The following CDH13 variants were observed in gnomAD, a reference collection of about 807,000 sequenced individuals.
The protein encoded by CDH13 is cadherin-13.
In CDH13, 24 loss-of-function variants were observed where a neutral mutation model predicts 63.8. The ratio of observed to expected loss-of-function variants is 0.38; its 90% CI spans 0.27 to 0.53. The LOEUF is 0.53. CDH13 is among the 20% of genes least tolerant of loss of function. The pLI, the probability that CDH13 is intolerant of heterozygous loss-of-function variation, is 0.85. For missense variants in CDH13, 1,049 were observed against 903.1 expected (o/e 1.16, Z -2.07); for synonymous variants, 503 against 355.3 (o/e 1.42, Z -4.67).
chr16:83,742,187 G>C lies in CDH13; in HGVS notation c.1539-5921G>C, dbSNP rs568989324. 1.6e-4 allele frequency among the ~76,000 whole-genome samples: 24 copies of C among 152,330 alleles called. 1 individual carries two copies. The highest frequency in any genetic ancestry group is 5.5e-4 in the African/African-American group (23 of 41,578). ...CCTTCCAGGTCAACAGCTGGCCCTG[G>C]CCACTTGCCTGGAAGCTTTCTTCCC... On this transcript the variant is annotated intron_variant, in intron 10 of 13. Transcript: ENST00000567109.
At chr16:83,664,240 C>T (rs894725112) in intron 8 of CDH13, among the ~76,000 whole-genome samples, 3 of 152,080 alleles carry the variant, frequency 2.0e-5, no homozygotes, top group Non-Finnish European at 4.4e-5. Context: ...TTTCATCTGG[C>T]TCCTGTAGTC....
intron 10 of CDH13, among the ~76,000 whole-genome samples, chr16:83,696,082 G>C (rs1905360946): frequency 6.6e-6 from 1 of 151,832 alleles, no homozygotes; most frequent in Non-Finnish European, 1.5e-5. Context: ...GTAGAGATGG[G>C]GTTTCGCCAT....
intron 5 of CDH13, among the ~76,000 whole-genome samples, chr16:83,319,079 C>T (rs919169483): frequency 6.6e-6 from 1 of 151,508 alleles, no homozygotes; most frequent in Admixed American, 6.6e-5. Context: ...GCAAGTGAAG[C>T]TTAGGCATGG....
rs150593574 is a variant in CDH13, at chr16:83,101,205, G to A, written c.367-24180G>A. On this transcript the variant is annotated intron_variant, in intron 3 of 13. Coordinates refer to ENST00000567109, the MANE Select transcript of CDH13 (RefSeq NM_001257.5). ...CTTCTTAATAGAAAAGTATATAGAG[G>A]TATGTATATATACATACATGCACAT... Among the ~76,000 whole-genome samples the A allele has an allele frequency of 4.1e-3, 619 of 149,976 alleles. 2 individuals carry two copies. The highest frequency in any genetic ancestry group is 0.014 in the African/African-American group (587 of 40,930).
At chr16:83,742,686 CGTGGTCTTGAGCTGTTCT>C (rs1204020687) in intron 10 of CDH13, among the ~76,000 whole-genome samples, 1 of 152,210 alleles carries the variant, frequency 6.6e-6, no homozygotes, top group East Asian at 1.9e-4. Flanking sequence ...CAGGCTGTTC[CGTGGTCTTGAGCTGTTCT>C]CCCTCCACAT....
intron 10 of CDH13, among the ~76,000 whole-genome samples, chr16:83,702,128 C>G (rs530719698): frequency 6.6e-6 from 1 of 152,150 alleles, no homozygotes. Flanking sequence ...TGCTAAGAAC[C>G]TTTCCTCATC....
chr16:83,402,752 C>A (rs2091986976), intron 6 of CDH13, among the ~76,000 whole-genome samples: 1 of 152,224 alleles, frequency 6.6e-6, no homozygotes, highest in African/African-American at 2.4e-5. Context: ...TTACACCGAT[C>A]AGTGTCATTA....
chr16:83,214,731 C>A (rs927654958), intron 4 of CDH13, among the ~76,000 whole-genome samples: 3 of 151,972 alleles, frequency 2.0e-5, no homozygotes, highest in African/African-American at 7.3e-5. Context: ...TTCTGTGTGG[C>A]AGGACATGTA....
At chr16:83,472,291 C>A (rs1038843922) in intron 6 of CDH13, among the ~76,000 whole-genome samples, 4 of 152,216 alleles carry the variant, frequency 2.6e-5, no homozygotes, top group African/African-American at 4.8e-5. Context: ...TATTGTGAGT[C>A]TGGATGGGAG....
intron 3 of CDH13, among the ~76,000 whole-genome samples, chr16:83,094,507 T>G (rs1156779195): frequency 9.9e-5 from 15 of 152,192 alleles, no homozygotes; most frequent in Non-Finnish European, 2.2e-4. Context: ...TGAGGTCTTA[T>G]GCCTCCACAT....
At chr16:83,646,323 A>G (rs1320802492) in intron 8 of CDH13, among the ~76,000 whole-genome samples, 1 of 152,174 alleles carries the variant, frequency 6.6e-6, no homozygotes, top group Non-Finnish European at 1.5e-5. Context: ...TGAAGGATGT[A>G]TGTAATCGTT....
chr16:83,488,035 TTCTC>T (rs2073931461), intron 7 of CDH13, among the ~76,000 whole-genome samples: 1 of 152,236 alleles, frequency 6.6e-6, no homozygotes. Context: ...AAGATTCTCT[TTCTC>T]TTGGTCTAGA....
intron 7 of CDH13, among the ~76,000 whole-genome samples, chr16:83,560,821 G>A (rs1200815619): frequency 6.6e-6 from 1 of 152,002 alleles, no homozygotes; most frequent in Non-Finnish European, 1.5e-5. Context: ...CATATGAGTT[G>A]GTTCCCCTTT....
intron 1 of CDH13, among the ~76,000 whole-genome samples, chr16:82,827,595 C>T (rs531232274): frequency 3.3e-5 from 5 of 152,232 alleles, no homozygotes; most frequent in African/African-American, 1.2e-4. Context: ...AGGCTAACTT[C>T]CTACTGGGCA....
intron 5 of CDH13, among the ~76,000 whole-genome samples, chr16:83,335,663 G>C (rs901850699): frequency 6.6e-6 from 1 of 152,116 alleles, no homozygotes; most frequent in Non-Finnish European, 1.5e-5. Flanking sequence ...GTTAAAGATT[G>C]ACCCCTGACC....
At chr16:83,282,892 A>G (rs1377429091) in intron 5 of CDH13, among the ~76,000 whole-genome samples, 4 of 152,214 alleles carry the variant, frequency 2.6e-5, no homozygotes, top group African/African-American at 9.7e-5. Flanking sequence ...TGATAGGCTA[A>G]CATGTAACCT....
chr16:83,051,789 T>G (rs2030365151), intron 3 of CDH13, among the ~76,000 whole-genome samples: 1 of 149,690 alleles, frequency 6.7e-6, no homozygotes, highest in Non-Finnish European at 1.5e-5. Flanking sequence ...ATTTGTTGTC[T>G]TATGAAGGAT....
chr16:82,861,099 A>G (rs1483270362), intron 2 of CDH13, among the ~76,000 whole-genome samples: 1 of 152,238 alleles, frequency 6.6e-6, no homozygotes, highest in Non-Finnish European at 1.5e-5. Context: ...AAACAGAACC[A>G]GAAAATGTTA....
At chr16:83,620,860 T>C (rs1332990848) in intron 8 of CDH13, among the ~76,000 whole-genome samples, 2 of 152,158 alleles carry the variant, frequency 1.3e-5, no homozygotes, top group Non-Finnish European at 2.9e-5. Context: ...AATTGTGTCG[T>C]GAGTTTCTGT....
Sources: allele counts gnomAD v4.1 joint callset (sites outside exome capture counted in the v4.1 genomes callset), GRCh38; gene constraint gnomAD v4.1.1; transcripts MANE v1.5; gene names NCBI Gene and HGNC (gene_info 2026-07-23, HGNC 2026-07-21).